DNAH9: variants seen among roughly 807,000 people sequenced by gnomAD.
DNAH9 encodes dynein axonemal heavy chain 9.
DNAH9 carries 345 observed loss-of-function variants against 471.6 expected under a neutral mutation model. That is an observed-to-expected ratio of 0.73 (90% confidence interval 0.67 to 0.80). The LOEUF is 0.80. Ranked by LOEUF, DNAH9 falls within the 30% of genes least tolerant of loss-of-function variation. The probability of loss-of-function intolerance (pLI) is 0.00; values close to 1 mark genes in which losing one functional copy is unlikely to be tolerated. For missense variants in DNAH9, 5,407 were observed against 5,609.2 expected (o/e 0.96, Z 1.15); for synonymous variants, 2,093 against 2,123.6 (o/e 0.99, Z 0.40).
At chr17:11,711,014 A>G (rs1381197196) in intron 26 of DNAH9, among the ~76,000 whole-genome samples, 1 of 152,120 alleles carries the variant, frequency 6.6e-6, no homozygotes, top group Non-Finnish European at 1.5e-5. Flanking sequence ...ATGTTGACTT[A>G]TTTCTTGCAC....
chr17:11,699,966 G>A, intron 23 of DNAH9, 83 bp downstream of exon 23: 1 of 1,430,818 alleles, frequency 7.0e-7, no homozygotes. Context: ...AACTCTAGGA[G>A]GGCCTTTCTG....
chr17:11,781,892 C>T (rs1252390964), intron 39 of DNAH9, among the ~76,000 whole-genome samples: 2 of 150,468 alleles, frequency 1.3e-5, no homozygotes, highest in Non-Finnish European at 2.9e-5. Context: ...ACCGTGTCTG[C>T]AGACCTTCCA....
intron 17 of DNAH9, among the ~76,000 whole-genome samples, chr17:11,674,112 A>G (rs1303864921): frequency 2.0e-5 from 3 of 152,128 alleles, no homozygotes; most frequent in African/African-American, 4.8e-5. Flanking sequence ...TGTCCATTCC[A>G]TAGTTGTTGA....
chr17:11,851,675 AC>A (rs1865680486), intron 49 of DNAH9, among the ~76,000 whole-genome samples: 1 of 152,170 alleles, frequency 6.6e-6, no homozygotes. Context: ...GAGAAAGTCC[AC>A]AGAGCCCTGC....
intron 59 of DNAH9, 78 bp downstream of exon 59, chr17:11,894,574 G>T: frequency 6.4e-7 from 1 of 1,564,908 alleles, no homozygotes; most frequent in Non-Finnish European, 8.7e-7. Context: ...CATGAAGTCA[G>T]CAGGGCTCTC....
chr17:11,826,155 A>G (rs1043262094), intron 48 of DNAH9, among the ~76,000 whole-genome samples: 2 of 152,162 alleles, frequency 1.3e-5, no homozygotes, highest in Admixed American at 1.3e-4. Context: ...GTTGCTTCCT[A>G]CTAGGGGGTG....
intron 19 of DNAH9, among the ~76,000 whole-genome samples, chr17:11,688,869 G>A (rs1232139464): frequency 6.6e-6 from 1 of 152,038 alleles, no homozygotes; most frequent in Non-Finnish European, 1.5e-5. Flanking sequence ...AGGCCAAGGC[G>A]GGTGGATCAC....
At chr17:11,714,048 A>G (rs1014078893) in intron 26 of DNAH9, among the ~76,000 whole-genome samples, 2 of 152,354 alleles carry the variant, frequency 1.3e-5, no homozygotes, top group African/African-American at 4.8e-5. Context: ...TGGTATAAGG[A>G]ACAGATCCTA....
chr17:11,645,396 C>A (rs2073361974), intron 11 of DNAH9, among the ~76,000 whole-genome samples: 1 of 152,208 alleles, frequency 6.6e-6, no homozygotes, highest in Non-Finnish European at 1.5e-5. Flanking sequence ...CCACCAGTGT[C>A]TTCACAAGAG....
rs913228871 is a variant in DNAH9 at position 11,819,130 on chromosome 17, G to A, written c.8708-2790G>A. On this transcript the variant is annotated intron_variant, in intron 45 of 68. Transcript: ENST00000262442. Reference sequence around the variant, plus strand: ...TAACTTTCTTTGACTTGAAGTGACAGCCAAGCAATAATCCTAGAACCTTCC... The same window carrying A: ...TAACTTTCTTTGACTTGAAGTGACAACCAAGCAATAATCCTAGAACCTTCC... Among the ~76,000 whole-genome samples, 40 of 152,030 alleles carry A rather than the reference G, an allele frequency of 2.6e-4. 1 individual carries two copies. The highest frequency in any genetic ancestry group is 6.8e-3 in the Middle Eastern group (2 of 294).
At chr17:11,801,594 G>A (rs557285528) in intron 43 of DNAH9, among the ~76,000 whole-genome samples, 3 of 152,328 alleles carry the variant, frequency 2.0e-5, no homozygotes, top group Non-Finnish European at 4.4e-5. Context: ...GGGAGGCTGA[G>A]GCAGGAGAAT....
chr17:11,646,603 C>T (rs768500826), intron 11 of DNAH9, among the ~76,000 whole-genome samples: 1 of 152,146 alleles, frequency 6.6e-6, no homozygotes, highest in Non-Finnish European at 1.5e-5. Context: ...CTGATTTAAG[C>T]AATGCTACCT....
intron 41 of DNAH9, among the ~76,000 whole-genome samples, chr17:11,789,409 TGTCA>T (rs1176454699): frequency 6.6e-6 from 1 of 152,082 alleles, no homozygotes; most frequent in Non-Finnish European, 1.5e-5. Context: ...TTTCTTCATG[TGTCA>T]GTCATGTTAA....
At chr17:11,768,321 G>A (rs1968053161) in intron 36 of DNAH9, 132 bp from the exon 37 acceptor site, 6 of 914,798 alleles carry the variant, frequency 6.6e-6, no homozygotes, top group Non-Finnish European at 1.0e-5. Flanking sequence ...TGGAGGAGCT[G>A]GTCTAGCCGG....
intron 36 of DNAH9, 120 bp downstream of exon 36, chr17:11,763,734 A>G: frequency 3.1e-6 from 3 of 972,922 alleles, no homozygotes; most frequent in Non-Finnish European, 4.6e-6. Context: ...AAAGCAGCAA[A>G]CTATTTAGTC....
intron 49 of DNAH9, 122 bp from the exon 50 acceptor site, chr17:11,853,881 G>T: frequency 1.2e-6 from 1 of 864,546 alleles, no homozygotes; most frequent in Admixed American, 2.7e-5. Context: ...AAATTCAGAG[G>T]GCTGCTGCAG....
Position 11,822,932 on chromosome 17 carries a change from C to T in DNAH9, c.9144C>T (p.Ile3048=), listed in dbSNP as rs1264926262. The part of the protein sequence containing the change: ...YTTPKSFLEF[I]RLYQSLLHRH... ...CTCCCAAGTCCTTTCTGGAGTTCAT[C>T]AGACTCTACCAGAGCTTGTTGCACA... The change falls in exon 48 of 69, where the codon ATC becomes ATT. Residue 3048 remains isoleucine, a synonymous_variant. Coordinates refer to ENST00000262442, the MANE Select transcript of DNAH9 (RefSeq NM_001372.4). The T allele has an allele frequency of 1.2e-6, 2 of 1,614,210 alleles. No homozygotes were observed. The highest frequency in any genetic ancestry group is 1.1e-5 in the South Asian group (1 of 91,080).
rs565966349 is a variant in DNAH9, at chr17:11,821,933, T to C, written c.8721T>C (p.Asp2907=). The C allele has an allele frequency of 1.1e-5, 17 of 1,613,334 alleles. No individual in the cohort carries two copies. Among genetic ancestry groups the C allele is most frequent in the African/African-American group, 5.3e-5 (4 of 74,998 alleles). ...NDLLASGEIP[D]LYSDDEVENI... The stretch of plus-strand genomic sequence containing the variant: ...ATTTTTTCCCAGGGGAGATCCCAGA[T>C]CTCTACTCTGATGATGAAGTTGAAA... Residue 2907 remains aspartate, a synonymous_variant, in exon 46 of 69, where the codon GAT becomes GAC. Coordinates refer to ENST00000262442, the MANE Select transcript of DNAH9 (RefSeq NM_001372.4).
At chr17:11,966,465 T>C (rs1391126140) in intron 68 of DNAH9, among the ~76,000 whole-genome samples, 1 of 152,122 alleles carries the variant, frequency 6.6e-6, no homozygotes, top group African/African-American at 2.4e-5. Flanking sequence ...TTATAGGAAA[T>C]ACTAAAGGGA....
Sources: allele counts gnomAD v4.1 joint callset (sites outside exome capture counted in the v4.1 genomes callset), GRCh38; gene constraint gnomAD v4.1.1; transcripts MANE v1.5; gene names NCBI Gene and HGNC (gene_info 2026-07-23, HGNC 2026-07-21).